Variants in STK32A observed in about 807,000 individuals in gnomAD.
STK32A encodes the protein serine/threonine-protein kinase 32A.
A neutral mutation model predicts 53.2 loss-of-function variants in STK32A; 41 were observed. The ratio of observed to expected loss-of-function variants is 0.77; its 90% CI spans 0.60 to 1.00. The LOEUF (loss-of-function observed/expected upper bound fraction) is 1.00, where lower values mean the gene tolerates loss of function less well. Ranked by LOEUF, STK32A falls within the 50% of genes least tolerant of loss-of-function variation. The pLI is 0.00. For synonymous variants in STK32A, 166 were observed against 162.8 expected (o/e 1.02, Z -0.15); for missense variants, 458 against 485.8 (o/e 0.94, Z 0.54).
intron 4 of STK32A, among the ~76,000 whole-genome samples, chr5:147,291,698 T>C (rs1752608220): frequency 6.6e-6 from 1 of 152,136 alleles, no homozygotes; most frequent in Admixed American, 6.5e-5. Context: ...TAGATCAAAT[T>C]GTAGGAAAAT....
In STK32A at chr5:147,366,048, CACACAT is replaced by C. The variant is rs1415635016; in HGVS notation, c.660+4446_660+4451del. On this transcript the variant is annotated intron_variant, in intron 8 of 12. Transcript: ENST00000397936. ...CCCCAGTGCTACACACACACACACA[CACACAT>C]ACACATACACACCCTTCACAAGCCT... 3.3e-5 allele frequency among the ~76,000 whole-genome samples: 5 copies of C among 152,222 alleles called. No individual in the cohort carries two copies. The East Asian group carries it at 7.7e-4, about 24-fold the overall frequency.
chr5:147,279,380 C>A lies in STK32A; in HGVS notation c.242C>A (p.Pro81His). The change falls in exon 4 of 13, where the codon CCT becomes CAT. Residue 81 changes from proline to histidine, a missense_variant. Physicochemically the swap from Pro to His is moderately conservative, Grantham distance 77. Coordinates refer to ENST00000397936, the MANE Select transcript of STK32A (RefSeq NM_001112724.2). ...CAGATCATGCAGGGTCTGGAGCACC[C>A]TTTCCTGGTTAATTTGTGGTGAGTA... ...ELQIMQGLEH[P>H]FLVNLWYSFQ... is the part of the protein sequence containing the mutation. 6.3e-7 allele frequency: 1 copy of A among 1,594,402 alleles called. No individual in the cohort carries two copies. Among genetic ancestry groups the A allele is most frequent in the East Asian group, 2.3e-5 (1 of 44,172 alleles).
intron 1 of STK32A, among the ~76,000 whole-genome samples, chr5:147,236,454 C>T (rs1466327997): frequency 6.6e-6 from 1 of 151,996 alleles, no homozygotes; most frequent in Non-Finnish European, 1.5e-5. Context: ...TCCTACAGCT[C>T]TACTGGGCTC....
chr5:147,386,028 GT>G lies in STK32A; in HGVS notation c.*2049del. ...GCTAAACTTCAGCTTGGCATTCACA[GT>G]TTTCTCTTCACTGAGCTAATAGGCC... On this transcript the variant is annotated 3_prime_UTR_variant, in exon 13 of 13. Transcript: ENST00000397936. 1 of 152,216 alleles carries G rather than the reference GT, an allele frequency of 6.6e-6. No homozygotes were observed. Among genetic ancestry groups the G allele is most frequent in the Admixed American group, 6.5e-5 (1 of 15,280 alleles). 9.4% of individuals were successfully genotyped at this position (152,216 alleles called of 1,614,324 possible). A position where few individuals can be genotyped will look rare whatever the true frequency, so the allele number is the denominator to read the frequency against.
At chr5:147,273,437 A>G (rs1755130944) in intron 2 of STK32A, among the ~76,000 whole-genome samples, 1 of 152,202 alleles carries the variant, frequency 6.6e-6, no homozygotes, top group Non-Finnish European at 1.5e-5. Flanking sequence ...AGAAAGGTGG[A>G]TATTGAATTT....
At chr5:147,283,970 AAAAGAAAACT>A (rs1219235889) in intron 4 of STK32A, among the ~76,000 whole-genome samples, 2 of 152,116 alleles carry the variant, frequency 1.3e-5, no homozygotes, top group Non-Finnish European at 2.9e-5. Context: ...ACATAACCTA[AAAAGAAAACT>A]GCAGACCAAT....
At chr5:147,300,029 C>G (rs1002607407) in intron 4 of STK32A, among the ~76,000 whole-genome samples, 1 of 152,078 alleles carries the variant, frequency 6.6e-6, no homozygotes, top group Admixed American at 6.6e-5. Flanking sequence ...TGGAAGCAGC[C>G]TCCATCATAT....
intron 11 of STK32A, 50 bp downstream of exon 11, chr5:147,375,268 T>G (rs1192658385): frequency 6.3e-7 from 1 of 1,586,112 alleles, no homozygotes; most frequent in African/African-American, 1.4e-5. Context: ...CCATGATGGC[T>G]GCAATATCTT....
chr5:147,250,890 C>T (rs1753963140), intron 2 of STK32A, among the ~76,000 whole-genome samples: 2 of 142,908 alleles, frequency 1.4e-5, no homozygotes, highest in Non-Finnish European at 3.0e-5. Flanking sequence ...GGCAGTGAGC[C>T]GAGATGGTGT....
chr5:147,279,508 G>A lies in STK32A; in HGVS notation c.260+110G>A, dbSNP rs149554227. 1.5e-3 allele frequency: 1,362 copies of A among 921,960 alleles called. 35 individuals carry two copies. The East Asian group carries it at 0.033, about 22-fold the overall frequency. 57.1% of individuals were successfully genotyped at this position (921,960 alleles called of 1,614,324 possible). ...AGCCCTGGCTGGTATCCAGGCTCTT[G>A]ACACAATTGCAAGAAAGAGTTCAAG... On this transcript the variant is annotated intron_variant, in intron 4 of 12. Coordinates refer to ENST00000397936, the MANE Select transcript of STK32A (RefSeq NM_001112724.2).
At chr5:147,267,455 G>T (rs1441389254) in intron 2 of STK32A, among the ~76,000 whole-genome samples, 3 of 151,922 alleles carry the variant, frequency 2.0e-5, no homozygotes, top group African/African-American at 2.4e-5. Context: ...AACTTTTCTG[G>T]GTTTATGTAA....
chr5:147,256,168 T>G (rs550054575), intron 2 of STK32A, among the ~76,000 whole-genome samples: 54 of 152,256 alleles, frequency 3.5e-4, no homozygotes, highest in African/African-American at 1.3e-3. Flanking sequence ...ATTCTTAAGC[T>G]CACTGCATCC....
intron 1 of STK32A, among the ~76,000 whole-genome samples, chr5:147,238,556 T>C (rs777816509): frequency 2.6e-5 from 4 of 152,212 alleles, no homozygotes; most frequent in Non-Finnish European, 4.4e-5. Flanking sequence ...TTCACACATA[T>C]CATTTAATTT....
intron 11 of STK32A, among the ~76,000 whole-genome samples, chr5:147,378,016 C>T (rs991957379): frequency 6.6e-6 from 1 of 152,076 alleles, no homozygotes; most frequent in Non-Finnish European, 1.5e-5. Context: ...TTTTCTGATT[C>T]TTCACTCTAT....
chr5:147,323,687 T>C (rs1754430395), intron 4 of STK32A, among the ~76,000 whole-genome samples: 1 of 152,136 alleles, frequency 6.6e-6, no homozygotes, highest in Admixed American at 6.5e-5. Flanking sequence ...TGTTTATTCA[T>C]CAGTATGATC....
intron 2 of STK32A, among the ~76,000 whole-genome samples, chr5:147,266,781 T>C (rs975604693): frequency 3.3e-5 from 5 of 152,044 alleles, no homozygotes; most frequent in Admixed American, 6.5e-5. Context: ...TCCCAGCACT[T>C]TGGGAGGCTG....
intron 5 of STK32A, among the ~76,000 whole-genome samples, chr5:147,328,722 A>G (rs545353796): frequency 2.0e-5 from 3 of 152,276 alleles, no homozygotes; most frequent in South Asian, 4.1e-4. Context: ...ACTCATTACA[A>G]TCTCTTCTAC....
chr5:147,400,714 G>C, the STK32A span: 3 of 1,613,970 alleles, frequency 1.9e-6, no homozygotes, highest in East Asian at 2.2e-5. Context: ...CCAGATGACA[G>C]ACATCCGCTC....
chr5:147,324,108 G>T, intron 5 of STK32A, 37 bp downstream of exon 5: 3 of 1,541,262 alleles, frequency 1.9e-6, no homozygotes, highest in Non-Finnish European at 2.6e-6. Context: ...TGAACGTAAC[G>T]CAAGGAGAGA....
Sources: allele counts gnomAD v4.1 joint callset (sites outside exome capture counted in the v4.1 genomes callset), GRCh38; gene constraint gnomAD v4.1.1; transcripts MANE v1.5; gene names NCBI Gene and HGNC (gene_info 2026-07-23, HGNC 2026-07-21).